Variants in KIF3B observed in about 807,000 individuals in gnomAD.
KIF3B encodes the protein kinesin-like protein KIF3B.
In KIF3B, 38 loss-of-function variants were observed where a neutral mutation model predicts 74.3. That is an observed-to-expected ratio of 0.51 (90% CI 0.39 to 0.67). KIF3B has a LOEUF of 0.67. Among genes scored for constraint, KIF3B ranks in the 30% least tolerant of loss-of-function variants. The pLI, the probability that KIF3B is intolerant of heterozygous loss-of-function variation, is 0.00. For missense variants in KIF3B, 649 were observed against 932.0 expected, an observed-to-expected ratio of 0.70 and a Z score of 3.95; for synonymous variants, 326 against 342.5, an observed-to-expected ratio of 0.95 and a Z score of 0.53.
At chr20:32,295,085 C>T (rs1390575480) in intron 1 of KIF3B, among the ~76,000 whole-genome samples, 1 of 152,092 alleles carries the variant, frequency 6.6e-6, no homozygotes. Context: ...CAATTATGTC[C>T]TTAAAATAAT....
chr20:32,306,579 CTCTTTTTTTTT>C (rs2047772282), intron 1 of KIF3B, among the ~76,000 whole-genome samples: 1 of 117,792 alleles, frequency 8.5e-6, no homozygotes, highest in Non-Finnish European at 1.7e-5. Flanking sequence ...AAAGTTTTTC[CTCTTTTTTTTT>C]TTTTTTTTTT....
chr20:32,307,586 G>A (rs1600427676), intron 1 of KIF3B, among the ~76,000 whole-genome samples: 1 of 152,156 alleles, frequency 6.6e-6, no homozygotes, highest in Non-Finnish European at 1.5e-5. Context: ...ATGTTGATGG[G>A]TAGGTCCAAA....
chr20:32,331,079 G>C, intron 8 of KIF3B, 144 bp from the exon 9 acceptor site: 1 of 685,840 alleles, frequency 1.5e-6, no homozygotes. Flanking sequence ...AAAGGTTCAG[G>C]CTGTGCCAGT....
chr20:32,313,000 C>T (rs2047809144), intron 2 of KIF3B, among the ~76,000 whole-genome samples: 2 of 152,156 alleles, frequency 1.3e-5, no homozygotes, highest in Admixed American at 6.5e-5. Flanking sequence ...ACCCTGATTA[C>T]ACAAGATAAG....
intron 1 of KIF3B, among the ~76,000 whole-genome samples, chr20:32,306,310 C>T (rs926489301): frequency 1.7e-4 from 25 of 149,856 alleles, no homozygotes; most frequent in Non-Finnish European, 2.8e-4. Context: ...GCAGGTGAAT[C>T]GCTTGAACCA....
chr20:32,314,330 A>C (rs1430640354), intron 2 of KIF3B, among the ~76,000 whole-genome samples: 1 of 152,174 alleles, frequency 6.6e-6, no homozygotes, highest in Non-Finnish European at 1.5e-5. Context: ...CCTTGAGGTC[A>C]GGAGTTCAAG....
At chr20:32,304,671 T>C (rs1300674049) in intron 1 of KIF3B, among the ~76,000 whole-genome samples, 1 of 152,174 alleles carries the variant, frequency 6.6e-6, no homozygotes, top group Non-Finnish European at 1.5e-5. Flanking sequence ...TTGTATATAA[T>C]ATGTTTGTGT....
intron 5 of KIF3B, among the ~76,000 whole-genome samples, chr20:32,317,151 C>T (rs557268022): frequency 2.0e-5 from 3 of 152,186 alleles, no homozygotes; most frequent in East Asian, 1.9e-4. Flanking sequence ...ATAGGAGAAT[C>T]GCTTGAACCC....
intron 1 of KIF3B, among the ~76,000 whole-genome samples, chr20:32,282,091 T>G (rs2047645779): frequency 6.6e-6 from 1 of 152,116 alleles, no homozygotes; most frequent in Non-Finnish European, 1.5e-5. Flanking sequence ...TATTTTTGTT[T>G]TTTAAAAAAA....
chr20:32,330,014 G>T, intron 7 of KIF3B, 127 bp from the exon 8 acceptor site: 2 of 754,316 alleles, frequency 2.7e-6, no homozygotes, highest in Non-Finnish European at 2.0e-6. Flanking sequence ...TTTCAGGCAG[G>T]CTCTTTCTTG....
At chr20:32,326,740 C>T (rs748564272) in intron 5 of KIF3B, 31 bp from the exon 6 acceptor site, 3 of 852,818 alleles carry the variant, frequency 3.5e-6, no homozygotes, top group Non-Finnish European at 5.9e-6. Flanking sequence ...TATTCTGTAT[C>T]TGTTTTCACC....
At position 32,331,609 on chromosome 20, in the gene KIF3B, C is replaced by T. The variant is rs532458437; in HGVS notation, c.*290C>T. 6.8e-5 allele frequency: 27 copies of T among 398,730 alleles called. No individual in the cohort carries two copies. The South Asian group carries it at 8.1e-4, about 12-fold the overall frequency. The allele number at this position is 398,730 out of a possible 1,614,324, so 24.7% of individuals were successfully genotyped here. On this transcript the variant is annotated 3_prime_UTR_variant, in exon 9 of 9. Transcript: ENST00000375712. ...GAATGACCAGTGACCTTGCTTCCTT[C>T]CCCCTTGCCTTCTTCTCCCCCTTCC...
At chr20:32,323,257 T>G (rs996181691) in intron 5 of KIF3B, among the ~76,000 whole-genome samples, 11 of 147,072 alleles carry the variant, frequency 7.5e-5, no homozygotes, top group Non-Finnish European at 1.2e-4. Flanking sequence ...ATTAAGTTTC[T>G]TAGTATTTTC....
rs34339038 is a variant in KIF3B at position 32,304,795 on chromosome 20, C to CAGAG, written c.-65-4892_-65-4889dup. Among the ~76,000 whole-genome samples the CAGAG allele has an allele frequency of 1.0e-3, 152 of 147,130 alleles. 1 individual carries two copies. The highest frequency in any genetic ancestry group is 3.5e-3 in the South Asian group (16 of 4,564). On this transcript the variant is annotated intron_variant, in intron 1 of 8. Coordinates refer to ENST00000375712, the MANE Select transcript of KIF3B (RefSeq NM_004798.4). ...AACAGGGTGGCTAGAGAGCAGGTCA[C>CAGAG]AGAGAGAGAGAGAGAGAGAGAGAGA...
chr20:32,325,655 CTTTTTTTTTTTTTT>C (rs1164604181), intron 5 of KIF3B, among the ~76,000 whole-genome samples: 2,781 of 51,394 alleles, frequency 0.054, 108 homozygotes, highest in African/African-American at 0.17. Flanking sequence ...CTCTCTCTCT[CTTTTTTTTTTTTTT>C]TTTTTTTTTT....
chr20:32,297,186 C>A (rs2047720993), intron 1 of KIF3B, among the ~76,000 whole-genome samples: 1 of 151,984 alleles, frequency 6.6e-6, no homozygotes, highest in Non-Finnish European at 1.5e-5. Flanking sequence ...GTATTTGAAC[C>A]CTGGGCCAGG....
intron 1 of KIF3B, among the ~76,000 whole-genome samples, chr20:32,296,458 G>A (rs1167503653): frequency 6.6e-6 from 1 of 151,988 alleles, no homozygotes; most frequent in Non-Finnish European, 1.5e-5. Context: ...AAATTAGCTC[G>A]GTGTGATGGT....
chr20:32,312,649 A>G (rs2047807049), intron 2 of KIF3B, among the ~76,000 whole-genome samples: 1 of 152,098 alleles, frequency 6.6e-6, no homozygotes, highest in Admixed American at 6.6e-5. Context: ...TTGATGCCTG[A>G]AGCTGTGGTT....
intron 1 of KIF3B, among the ~76,000 whole-genome samples, chr20:32,290,353 A>T (rs1457450121): frequency 6.6e-6 from 1 of 152,184 alleles, no homozygotes; most frequent in Non-Finnish European, 1.5e-5. Context: ...ACTACACTGC[A>T]GCCTGGGTGA....
Sources: gnomAD v4.1 joint callset for allele counts (sites outside exome capture counted in the v4.1 genomes callset) on GRCh38, gnomAD v4.1.1 for gene constraint, MANE v1.5 for transcripts, NCBI Gene and HGNC (gene_info 2026-07-23, HGNC 2026-07-21) for gene names.